GALNTL6: variants seen among roughly 807,000 people sequenced by gnomAD.
The protein encoded by GALNTL6 is polypeptide N-acetylgalactosaminyltransferase-like 6.
A neutral mutation model predicts 73.7 loss-of-function variants in GALNTL6; 46 were observed. The observed-to-expected ratio is 0.62, with a 90% CI of 0.49 to 0.80. The LOEUF (loss-of-function observed/expected upper bound fraction) is 0.80. Ranked by LOEUF, GALNTL6 falls within the 30% of genes least tolerant of loss-of-function variation. The pLI, the probability that GALNTL6 is intolerant of heterozygous loss-of-function variation, is 0.00. For missense variants in GALNTL6, 604 were observed against 755.0 expected, an observed-to-expected ratio of 0.80 and a Z score of 2.34; for synonymous variants, 259 against 263.7, an observed-to-expected ratio of 0.98 and a Z score of 0.17.
At chr4:172,811,055 T>C (rs1741271205) in intron 6 of GALNTL6, among the ~76,000 whole-genome samples, 1 of 152,172 alleles carries the variant, frequency 6.6e-6, no homozygotes, top group African/African-American at 2.4e-5. Flanking sequence ...GTAGTCCTGA[T>C]GGATAAGAAA....
chr4:172,676,305 CT>C (rs1732298594), intron 5 of GALNTL6, among the ~76,000 whole-genome samples: 1 of 152,180 alleles, frequency 6.6e-6, no homozygotes, highest in Non-Finnish European at 1.5e-5. Flanking sequence ...GAAGACTTTT[CT>C]TTAAGTCTTG....
intron 5 of GALNTL6, among the ~76,000 whole-genome samples, chr4:172,475,535 G>A (rs1286354727): frequency 6.6e-6 from 1 of 151,980 alleles, no homozygotes; most frequent in Non-Finnish European, 1.5e-5. Flanking sequence ...ATAAACTATG[G>A]TATGTACAAT....
chr4:171,903,013 T>G (rs1737147257), intron 2 of GALNTL6, among the ~76,000 whole-genome samples: 2 of 152,248 alleles, frequency 1.3e-5, no homozygotes, highest in East Asian at 1.9e-4. Context: ...CAGCTATTCA[T>G]GCAGTCAAAG....
At chr4:172,604,934 C>G (rs796389067) in intron 5 of GALNTL6, among the ~76,000 whole-genome samples, 12 of 152,340 alleles carry the variant, frequency 7.9e-5, no homozygotes, top group African/African-American at 1.7e-4. Flanking sequence ...AGTGTGACCA[C>G]AGAGCAGTTG....
At chr4:172,819,852 A>C (rs1392951058) in intron 7 of GALNTL6, among the ~76,000 whole-genome samples, 2 of 152,232 alleles carry the variant, frequency 1.3e-5, no homozygotes, top group African/African-American at 4.8e-5. Flanking sequence ...TAGAGAAGAC[A>C]CATTCTCTAG....
chr4:172,164,175 A>T lies in GALNTL6; in HGVS notation c.139-65481A>T, dbSNP rs554516603. Among the ~76,000 whole-genome samples the T allele has an allele frequency of 2.0e-5, 3 of 152,120 alleles. No homozygotes were observed. In the South Asian group the frequency reaches 6.2e-4, roughly 32 times the overall value. ...ACTTACTCTTGAGAAGTATAAAAGT[A>T]TTTTTACTCGTGTTCATTGCTTTTG... On this transcript the variant is annotated intron_variant, in intron 2 of 12. Transcript: ENST00000506823.
chr4:172,328,962 T>G (rs958536793), intron 4 of GALNTL6, among the ~76,000 whole-genome samples: 1 of 152,106 alleles, frequency 6.6e-6, no homozygotes, highest in African/African-American at 2.4e-5. Flanking sequence ...GGGTTTTGGG[T>G]TGGTTCTTTC....
intron 2 of GALNTL6, among the ~76,000 whole-genome samples, chr4:172,210,390 A>G (rs193195460): frequency 4.3e-4 from 65 of 152,164 alleles, no homozygotes; most frequent in African/African-American, 1.3e-3. Context: ...GGGATACCAC[A>G]TTATATTTAA....
chr4:172,488,513 T>G (rs1309250256), intron 5 of GALNTL6, among the ~76,000 whole-genome samples: 2 of 152,172 alleles, frequency 1.3e-5, no homozygotes, highest in African/African-American at 4.8e-5. Context: ...CCTCGCTTCA[T>G]ACTGTAGAAA....
chr4:172,252,049 T>G (rs1737900134), intron 3 of GALNTL6, among the ~76,000 whole-genome samples: 1 of 152,094 alleles, frequency 6.6e-6, no homozygotes, highest in African/African-American at 2.4e-5. Flanking sequence ...TGCAGAAATT[T>G]AGAGACAGAA....
chr4:172,612,437 A>G (rs1044316751), intron 5 of GALNTL6, among the ~76,000 whole-genome samples: 1 of 152,134 alleles, frequency 6.6e-6, no homozygotes, highest in Non-Finnish European at 1.5e-5. Flanking sequence ...ACAGAATAAC[A>G]TGAAAGACAT....
chr4:172,175,664 T>C (rs1370218784), intron 2 of GALNTL6, among the ~76,000 whole-genome samples: 1 of 152,226 alleles, frequency 6.6e-6, no homozygotes, highest in Non-Finnish European at 1.5e-5. Context: ...AACAAACTCA[T>C]TGAAGATTCT....
At chr4:173,022,443 G>A (rs1415082743) in intron 12 of GALNTL6, among the ~76,000 whole-genome samples, 1 of 152,192 alleles carries the variant, frequency 6.6e-6, no homozygotes, top group Non-Finnish European at 1.5e-5. Context: ...CTCCCAAAAG[G>A]AGGAACCACA....
At chr4:172,380,075 A>G (rs1743223797) in intron 5 of GALNTL6, 2 of 974,820 alleles carry the variant, frequency 2.1e-6, no homozygotes, top group African/African-American at 3.2e-5. Flanking sequence ...CTAGCTGTTT[A>G]TATGGCTTGG....
At chr4:172,717,583 A>G (rs1479335494) in intron 5 of GALNTL6, among the ~76,000 whole-genome samples, 3 of 152,208 alleles carry the variant, frequency 2.0e-5, no homozygotes, top group African/African-American at 7.2e-5. Context: ...AAAATCCAGA[A>G]TGAATGAAAT....
At chr4:171,927,666 TG>T (rs1363209127) in intron 2 of GALNTL6, among the ~76,000 whole-genome samples, 1 of 152,120 alleles carries the variant, frequency 6.6e-6, no homozygotes, top group Non-Finnish European at 1.5e-5. Context: ...TCCAGCCACA[TG>T]GGTCTTCTTG....
At chr4:172,994,162 A>C (rs188931449) in intron 10 of GALNTL6, among the ~76,000 whole-genome samples, 4 of 152,298 alleles carry the variant, frequency 2.6e-5, no homozygotes, top group African/African-American at 7.2e-5. Context: ...TACTACAATA[A>C]CTGTTGTATA....
At chr4:172,918,362 T>G (rs975154903) in intron 8 of GALNTL6, among the ~76,000 whole-genome samples, 6 of 152,038 alleles carry the variant, frequency 3.9e-5, no homozygotes, top group African/African-American at 1.5e-4. Flanking sequence ...ATTGTGCACA[T>G]GTACCCTAGA....
chr4:172,448,579 C>T (rs1732106110), intron 5 of GALNTL6, among the ~76,000 whole-genome samples: 1 of 152,162 alleles, frequency 6.6e-6, no homozygotes, highest in Non-Finnish European at 1.5e-5. Flanking sequence ...GGGAAACCAA[C>T]ATCCACACAG....
Sources: gnomAD v4.1 joint callset for allele counts (sites outside exome capture counted in the v4.1 genomes callset) on GRCh38, gnomAD v4.1.1 for gene constraint, MANE v1.5 for transcripts, NCBI Gene and HGNC (gene_info 2026-07-23, HGNC 2026-07-21) for gene names.